Variants in DPP9 observed in about 807,000 individuals in gnomAD.
DPP9 encodes dipeptidyl peptidase 9.
DPP9 carries 50 observed loss-of-function variants against 110.7 expected under a neutral mutation model. That is an observed-to-expected ratio of 0.45 (90% CI 0.36 to 0.57). The LOEUF is 0.57. Ranked by LOEUF, DPP9 falls within the 20% of genes least tolerant of loss-of-function variation. The probability of loss-of-function intolerance (pLI) is 0.00; values close to 1 mark genes in which losing one functional copy is unlikely to be tolerated. For missense variants in DPP9, 1,022 were observed against 1,217.9 expected (o/e 0.84, Z 2.39); for synonymous variants, 561 against 514.4 (o/e 1.09, Z -1.23).
intron 3 of DPP9, chr19:4,715,922 C>G (rs1362841906): frequency 6.6e-6 from 1 of 152,250 alleles, no homozygotes; most frequent in Non-Finnish European, 1.5e-5. Flanking sequence ...CTGGACTGGC[C>G]AGGCAAATAT....
At chr19:4,699,993 C>A (rs980638369) in intron 10 of DPP9, among the ~76,000 whole-genome samples, 3 of 152,194 alleles carry the variant, frequency 2.0e-5, no homozygotes, top group Non-Finnish European at 4.4e-5. Context: ...AGTCTCAGGA[C>A]CCACTCTGTG....
rs1448323299 is a variant in DPP9, at chr19:4,700,556, C to T, written c.1013-279G>A. On this transcript the variant is annotated intron_variant, in intron 9 of 21. Transcript: ENST00000262960. This position sits in a 1 kb window ranked among gnomAD's most constrained non-coding sequence, Gnocchi z 4.3. ...CTTTCTCATTTAAAAACACGGGCCA[C>T]ACCCTGTGCTGAGAGCTGGGGCTTG... 6.6e-6 allele frequency among the ~76,000 whole-genome samples: 1 copy of T among 152,234 alleles called. No homozygotes were observed. The highest frequency in any genetic ancestry group is 1.9e-4 in the East Asian group (1 of 5,198).
intron 9 of DPP9, among the ~76,000 whole-genome samples, 160 bp downstream of exon 9, chr19:4,701,867 G>C (rs893893273): frequency 6.6e-6 from 1 of 152,180 alleles, no homozygotes; most frequent in Non-Finnish European, 1.5e-5. Flanking sequence ...CAGGAGAAAG[G>C]GGCGGCCCCT....
At chr19:4,714,769 C>T (rs1248248175) in intron 3 of DPP9, among the ~76,000 whole-genome samples, 1 of 151,944 alleles carries the variant, frequency 6.6e-6, no homozygotes, top group African/African-American at 2.4e-5. Context: ...AAAACCCTTC[C>T]TGGTTTTCCA....
At chr19:4,721,842 C>T (rs747505808) in intron 2 of DPP9, among the ~76,000 whole-genome samples, 14 of 152,134 alleles carry the variant, frequency 9.2e-5, no homozygotes, top group Non-Finnish European at 1.8e-4. Context: ...AGAGGTTAAG[C>T]ATAAAGTCAC....
At chr19:4,683,001 C>A in intron 19 of DPP9, 163 bp from the exon 20 acceptor site, 1 of 1,528,754 alleles carries the variant, frequency 6.5e-7, no homozygotes. Flanking sequence ...GCGTGGCCCC[C>A]GTGGACGGTG....
In DPP9 at chr19:4,688,809, G is replaced by T; in HGVS notation, c.1833C>A (p.Asp611Glu). 6.7e-7 allele frequency: 1 copy of T among 1,486,868 alleles called. No individual in the cohort carries two copies. The allele number at this position is 1,486,868 out of a possible 1,614,324, so 92.1% of individuals were successfully genotyped here. ...VHVYKLSGPDDDPLHKQPRFW... is the reference protein window; with the variant it reads ...VHVYKLSGPDEDPLHKQPRFW... ...AGCGGGGCTGCTTGTGCAGGGGGTC[G>T]TCGTCGGGGCCGCTCAGCTTGTAGA... The change falls in exon 16 of 22, where the codon GAC (aspartate) becomes GAA (glutamate). Residue 611 changes from aspartate to glutamate, a missense_variant. Around this residue, in one of 3 missense-constraint regions of DPP9, gnomAD observed 810 missense variants for 920.6 expected, o/e 0.88. Coordinates refer to ENST00000262960, the MANE Select transcript of DPP9 (RefSeq NM_139159.5).
At chr19:4,708,550 G>A (rs1374610691) in intron 4 of DPP9, among the ~76,000 whole-genome samples, 1 of 152,120 alleles carries the variant, frequency 6.6e-6, no homozygotes, top group Admixed American at 6.6e-5. Flanking sequence ...ATCCATCAAC[G>A]GTAGACTGGA....
In DPP9 at chr19:4,704,399, G is replaced by T; in HGVS notation, c.427-95C>A. The T allele has an allele frequency of 6.9e-7, 1 of 1,449,214 alleles. No homozygotes were observed. The highest frequency in any genetic ancestry group is 9.4e-7 in the Non-Finnish European group (1 of 1,066,220). The allele number at this position is 1,449,214 out of a possible 1,614,324, so 89.8% of individuals were successfully genotyped here. A position where few individuals can be genotyped will look rare whatever the true frequency, so the allele number is the denominator to read the frequency against. ...ATCCTCGGGCTGGGGCATTCCCAGG[G>T]AATCTGACTTCGGGCCTCGCCAGAG... On this transcript the variant is annotated intron_variant, in intron 5 of 21. Transcript: ENST00000262960. The surrounding 1 kb of genome is among the most constrained non-coding windows in gnomAD (Gnocchi z 6.0).
At chr19:4,707,014 C>A (rs1042012983) in intron 4 of DPP9, among the ~76,000 whole-genome samples, 1 of 152,220 alleles carries the variant, frequency 6.6e-6, no homozygotes, top group African/African-American at 2.4e-5. Context: ...AGGCATCTCC[C>A]AGTGTCCCCT....
chr19:4,694,699 T>A lies in DPP9; in HGVS notation c.1478A>T (p.Gln493Leu). The change falls in exon 13 of 22, where the codon CAG becomes CTG. Residue 493 changes from glutamine to leucine, a missense_variant. Gln to Leu is a moderately radical substitution (Grantham distance 113). This residue lies in a region of DPP9 where 810 missense variants were observed against 920.6 expected (regional missense o/e 0.88). Coordinates refer to ENST00000262960, the MANE Select transcript of DPP9 (RefSeq NM_139159.5). The surrounding 1 kb of genome is among the most constrained non-coding windows in gnomAD (Gnocchi z 4.0). ...GAAGGGCTCACTCCAATCGTAGCCC[T>A]GGGATTTTAAAACGGCGGTGACTTT... is the stretch of plus-strand genomic sequence containing the variant. Reference protein sequence around the residue: ...LYKVTAVLKSQGYDWSEPFSP... With the variant: ...LYKVTAVLKSLGYDWSEPFSP... 1 of 1,612,992 alleles carries A rather than the reference T, an allele frequency of 6.2e-7. No homozygotes were observed. Among genetic ancestry groups the A allele is most frequent in the Non-Finnish European group, 8.5e-7 (1 of 1,179,490 alleles).
At chr19:4,699,084 G>A (rs560889742) in intron 10 of DPP9, among the ~76,000 whole-genome samples, 46 of 150,374 alleles carry the variant, frequency 3.1e-4, no homozygotes, top group Non-Finnish European at 4.7e-4. Context: ...GCATGAACCC[G>A]GGAGGCGGAG....
At chr19:4,707,519 GCC>G (rs1246917770) in intron 4 of DPP9, among the ~76,000 whole-genome samples, 4 of 151,508 alleles carry the variant, frequency 2.6e-5, no homozygotes, top group African/African-American at 4.8e-5. Flanking sequence ...CGGTGCCCTG[GCC>G]CCTCCTTGCT....
In DPP9 at chr19:4,682,214, C is replaced by T. The variant is rs1014685833; in HGVS notation, c.2474+482G>A. On this transcript the variant is annotated intron_variant, in intron 20 of 21. Coordinates refer to ENST00000262960, the MANE Select transcript of DPP9 (RefSeq NM_139159.5). The surrounding 1 kb of genome is among the most constrained non-coding windows in gnomAD (Gnocchi z 7.1). Reference sequence around the variant, plus strand: ...GATTCCGGGGAACATTTTCTGGAGACGTGCCAGAAAATGGGAACACTGTTT... The same window carrying T: ...GATTCCGGGGAACATTTTCTGGAGATGTGCCAGAAAATGGGAACACTGTTT... 7.2e-5 allele frequency among the ~76,000 whole-genome samples: 11 copies of T among 152,108 alleles called. No individual in the cohort carries two copies. Among genetic ancestry groups the T allele is most frequent in the Non-Finnish European group, 1.3e-4 (9 of 68,012 alleles).
At chr19:4,701,904 C>T in intron 9 of DPP9, 123 bp downstream of exon 9, 1 of 1,381,170 alleles carries the variant, frequency 7.2e-7, no homozygotes, top group Non-Finnish European at 9.8e-7. Context: ...CCTTCTACAC[C>T]CCCATAGATG....
In DPP9 at chr19:4,704,139, C is replaced by T. The variant is rs757636505; in HGVS notation, c.592G>A (p.Gly198Ser). ...CCAGGGCCAGGGCTCACCATGAAGC[C>T]GTTCTTGCCGCCGTCGCGGCAGTGG... ...LFHCRDGGKN[G>S]FMVSPMKPLE... The change falls in exon 6 of 22, where the codon GGC (glycine) becomes AGC (serine). Residue 198 changes from glycine to serine, a missense_variant. Gly to Ser is a moderately conservative substitution (Grantham distance 56). Around this residue, in one of 3 missense-constraint regions of DPP9, gnomAD observed 810 missense variants for 920.6 expected, o/e 0.88. Transcript: ENST00000262960. This position sits in a 1 kb window ranked among gnomAD's most constrained non-coding sequence, Gnocchi z 6.0. 5.0e-6 allele frequency: 8 copies of T among 1,613,834 alleles called. No homozygotes were observed. Among genetic ancestry groups the T allele is most frequent in the East Asian group, 4.5e-5 (2 of 44,896 alleles).
At chr19:4,716,977 A>G (rs535496757) in intron 3 of DPP9, among the ~76,000 whole-genome samples, 56 of 152,332 alleles carry the variant, frequency 3.7e-4, no homozygotes, top group African/African-American at 1.3e-3. Flanking sequence ...AAGCCACCTC[A>G]GCAAGGGACA....
At chr19:4,681,635 G>C (rs922832782) in intron 20 of DPP9, among the ~76,000 whole-genome samples, 1 of 151,940 alleles carries the variant, frequency 6.6e-6, no homozygotes, top group Non-Finnish European at 1.5e-5. Flanking sequence ...CACGATGTTC[G>C]CTCACTACCA....
At chr19:4,679,814 A>AAC in intron 21 of DPP9, 21 bp downstream of exon 21, 1 of 1,542,706 alleles carries the variant, frequency 6.5e-7, no homozygotes, top group South Asian at 1.2e-5. Flanking sequence ...GGAGGGGCCG[A>AAC]AGCCCCCAAC....
Sources: allele counts gnomAD v4.1 joint callset (sites outside exome capture counted in the v4.1 genomes callset), GRCh38; gene constraint gnomAD v4.1.1; regional missense constraint gnomAD v4.1.1; non-coding constraint Gnocchi (gnomAD v3.1); transcripts MANE v1.5; gene names NCBI Gene and HGNC (gene_info 2026-07-23, HGNC 2026-07-21).